COLQ: variants seen among roughly 807,000 people sequenced by gnomAD.
The protein encoded by COLQ is collagen like tail subunit of asymmetric acetylcholinesterase, also known as acetylcholinesterase collagenic tail peptide.
Under a neutral mutation model 69.0 loss-of-function variants are expected in COLQ, and 48 were observed. The observed-to-expected ratio is 0.70, with a 90% CI of 0.55 to 0.88. The LOEUF is 0.88. Ranked by LOEUF, COLQ falls within the 40% of genes least tolerant of loss-of-function variation. The pLI is 0.00. For synonymous variants in COLQ, 217 were observed against 211.2 expected (o/e 1.03, Z -0.24); for missense variants, 618 against 594.6 (o/e 1.04, Z -0.41).
chr3:15,474,676 TTC>T (rs2062348279), intron 8 of COLQ, among the ~76,000 whole-genome samples: 2 of 152,218 alleles, frequency 1.3e-5, no homozygotes, highest in South Asian at 4.1e-4. Context: ...TGGCACGGCC[TTC>T]ATTTGCTTAT....
At chr3:15,521,199 A>G (rs6786296) in intron 1 of COLQ, among the ~76,000 whole-genome samples, 65,877 of 152,078 alleles carry the variant, frequency 0.43, 15,348 homozygotes, top group East Asian at 0.62. Flanking sequence ...TTACTTGCAC[A>G]CCTCTGTCTC....
chr3:15,516,649 CA>C (rs2063067125), intron 1 of COLQ, among the ~76,000 whole-genome samples: 1 of 152,174 alleles, frequency 6.6e-6, no homozygotes, highest in Non-Finnish European at 1.5e-5. Flanking sequence ...CCTGGCTCCC[CA>C]CCCCCAAACA....
At chr3:15,478,249 A>G (rs886365550) in intron 5 of COLQ, among the ~76,000 whole-genome samples, 8 of 152,312 alleles carry the variant, frequency 5.3e-5, no homozygotes, top group Non-Finnish European at 7.4e-5. Context: ...TCTGTGCCCT[A>G]AAGAGTTGTA....
chr3:15,452,033 C>G (rs1173796432), intron 16 of COLQ, among the ~76,000 whole-genome samples: 1 of 151,650 alleles, frequency 6.6e-6, no homozygotes, highest in Non-Finnish European at 1.5e-5. Flanking sequence ...GGCTATTGAG[C>G]TCTTGAAATG....
At chr3:15,493,669 A>G (rs1326752199) in intron 1 of COLQ, among the ~76,000 whole-genome samples, 1 of 152,258 alleles carries the variant, frequency 6.6e-6, no homozygotes, top group Non-Finnish European at 1.5e-5. Flanking sequence ...AGCTAAGCAG[A>G]GCCTGCCCTG....
rs184245561 is a variant in COLQ at position 15,458,218 on chromosome 3, C to T, written c.922G>A (p.Val308Met). 4.4e-4 allele frequency: 706 copies of T among 1,614,092 alleles called. 4 individuals are homozygous for T. The highest frequency in any genetic ancestry group is 6.2e-5 in the Non-Finnish European group (73 of 1,180,030). The stretch of plus-strand genomic sequence containing the variant: ...ACTCGCGGGGAACTGGGCCCATACA[C>T]AGATTCCCCGTAGGAAGGGTTATTC... ...NVNNPSYGES[V>M]YGPSSPRVPV... is the part of the protein sequence containing the mutation. Residue 308 changes from valine (V) to methionine (M), a missense_variant, in exon 13 of 17, where the codon GTG becomes ATG. Coordinates refer to ENST00000383788, the MANE Select transcript of COLQ (RefSeq NM_005677.4).
intron 1 of COLQ, among the ~76,000 whole-genome samples, chr3:15,512,908 C>T (rs575634695): frequency 6.6e-6 from 1 of 152,298 alleles, no homozygotes; most frequent in South Asian, 2.1e-4. Context: ...GATTTGAACT[C>T]CAGCAGTGCG....
intron 16 of COLQ, among the ~76,000 whole-genome samples, chr3:15,452,567 C>T (rs1488906958): frequency 2.6e-5 from 4 of 151,994 alleles, no homozygotes; most frequent in Admixed American, 6.6e-5. Flanking sequence ...CCACAGTGAG[C>T]GTGGGGGAGC....
In COLQ at chr3:15,499,051, GC is replaced by G. The variant is rs1200186678; in HGVS notation, c.107-9415del. On this transcript the variant is annotated intron_variant, in intron 1 of 16. Coordinates refer to ENST00000383788, the MANE Select transcript of COLQ (RefSeq NM_005677.4). ...CACCGAGACCGTCCAAGGGGAGCCT[GC>G]CCTCCTCTGCTTCAGGGAAGACCTT... 2.0e-5 allele frequency among the ~76,000 whole-genome samples: 3 copies of G among 151,126 alleles called. No homozygotes were observed. In the East Asian group the frequency reaches 5.9e-4, roughly 30 times the overall value.
At chr3:15,478,068 G>C (rs1257853434) in intron 5 of COLQ, among the ~76,000 whole-genome samples, 1 of 152,180 alleles carries the variant, frequency 6.6e-6, no homozygotes, top group Non-Finnish European at 1.5e-5. Context: ...CCAAATCCTG[G>C]CACGTGTACT....
intron 1 of COLQ, among the ~76,000 whole-genome samples, chr3:15,503,950 C>T (rs1363095994): frequency 1.3e-5 from 2 of 152,118 alleles, no homozygotes; most frequent in Non-Finnish European, 2.9e-5. Context: ...CCCAGAATCA[C>T]GTCTTTCCAA....
chr3:15,452,286 C>T (rs778808199), intron 16 of COLQ, among the ~76,000 whole-genome samples: 12 of 152,062 alleles, frequency 7.9e-5, no homozygotes, highest in Non-Finnish European at 1.3e-4. Flanking sequence ...AGGGTGGTGC[C>T]GAACTCTGAA....
chr3:15,480,802 T>C (rs2062470102), intron 3 of COLQ, among the ~76,000 whole-genome samples: 1 of 152,250 alleles, frequency 6.6e-6, no homozygotes, highest in Non-Finnish European at 1.5e-5. Context: ...CCACCAACAG[T>C]GTAAAAGTGT....
intron 1 of COLQ, 47 bp downstream of exon 1, chr3:15,521,473 C>G (rs148630279): frequency 6.2e-7 from 1 of 1,611,208 alleles, no homozygotes; most frequent in Non-Finnish European, 8.5e-7. Context: ...CTTCCTCCCC[C>G]TGTCCCCTGA....
Sources: allele counts gnomAD v4.1 joint callset (sites outside exome capture counted in the v4.1 genomes callset), GRCh38; gene constraint gnomAD v4.1.1; transcripts MANE v1.5; gene names NCBI Gene and HGNC (gene_info 2026-07-23, HGNC 2026-07-21).